Variants in UBR1 observed in about 807,000 individuals in gnomAD.
The protein encoded by UBR1 is ubiquitin protein ligase E3 component n-recognin 1.
A neutral mutation model predicts 242.1 loss-of-function variants in UBR1; 102 were observed. That is an observed-to-expected ratio of 0.42 (90% CI 0.36 to 0.50). UBR1 has a LOEUF of 0.50. Among genes scored for constraint, UBR1 ranks in the 20% least tolerant of loss-of-function variants. The pLI is 0.01. For synonymous variants in UBR1, 675 were observed against 684.8 expected, an observed-to-expected ratio of 0.99 and a Z score of 0.22; for missense variants, 1,772 against 2,101.8, an observed-to-expected ratio of 0.84 and a Z score of 3.07.
chr15:42,965,811 C>T (rs1346578907), intron 41 of UBR1, among the ~76,000 whole-genome samples: 1 of 152,150 alleles, frequency 6.6e-6, no homozygotes, highest in Non-Finnish European at 1.5e-5. Context: ...TAAAGTCTTC[C>T]TCCTATCTAG....
chr15:43,038,313 G>C, intron 15 of UBR1, 81 bp from the exon 16 acceptor site: 2 of 1,442,088 alleles, frequency 1.4e-6, no homozygotes, highest in Admixed American at 1.7e-5. Flanking sequence ...TTAGAAACTT[G>C]TGCGATTTGA....
chr15:43,006,053 C>T (rs1457964658), intron 30 of UBR1, among the ~76,000 whole-genome samples: 1 of 147,140 alleles, frequency 6.8e-6, no homozygotes, highest in Non-Finnish European at 1.5e-5. Flanking sequence ...TGCCAAATCC[C>T]CCTCTCGGAG....
At chr15:42,997,953 T>C (rs1180984948) in intron 33 of UBR1, among the ~76,000 whole-genome samples, 1 of 152,200 alleles carries the variant, frequency 6.6e-6, no homozygotes, top group Non-Finnish European at 1.5e-5. Context: ...ATGGACTTGA[T>C]AGTATAATCA....
chr15:43,037,999 G>T, intron 16 of UBR1, 116 bp from the exon 17 acceptor site: 1 of 1,211,262 alleles, frequency 8.3e-7, no homozygotes, highest in Non-Finnish European at 1.2e-6. Flanking sequence ...GCTTGAACTA[G>T]ATGACGTCTA....
intron 40 of UBR1, among the ~76,000 whole-genome samples, chr15:42,969,991 T>C (rs7171534): frequency 6.6e-5 from 10 of 152,166 alleles, no homozygotes; most frequent in African/African-American, 2.4e-4. Context: ...TAGAAAAAAC[T>C]ACTTTAAATT....
chr15:42,995,009 G>GTT (rs1286955449), intron 33 of UBR1, among the ~76,000 whole-genome samples: 1 of 152,028 alleles, frequency 6.6e-6, no homozygotes, highest in Non-Finnish European at 1.5e-5. Flanking sequence ...CTTATGTTCA[G>GTT]TATTTTCTTC....
rs138211619 is a variant in UBR1, at chr15:42,985,644, C to T, written c.3998-702G>A. Among the ~76,000 whole-genome samples the T allele has an allele frequency of 3.5e-3, 526 of 152,186 alleles. 1 individual carries two copies. Among genetic ancestry groups the T allele is most frequent in the African/African-American group, 0.012 (499 of 41,540 alleles). ...CTGGGATTACAGGCGTGAGCCACTG[C>T]GCCCGACCTCGGGTACAATTTTAAA... is the stretch of plus-strand genomic sequence containing the variant. On this transcript the variant is annotated intron_variant, in intron 35 of 46. Coordinates refer to ENST00000290650, the MANE Select transcript of UBR1 (RefSeq NM_174916.3).
rs187348093 is a variant in UBR1, at chr15:43,104,826, C to G, written c.81+1116G>C. On this transcript the variant is annotated intron_variant, in intron 1 of 46. Coordinates refer to ENST00000290650, the MANE Select transcript of UBR1 (RefSeq NM_174916.3). ...ATCAGCCTGGCCAACATGGTGAAAC[C>G]CCGTCTCTAATAAAAATAAAAATAA... 2.4e-3 allele frequency among the ~76,000 whole-genome samples: 360 copies of G among 151,822 alleles called. 1 individual carries two copies. The highest frequency in any genetic ancestry group is 3.6e-3 in the Non-Finnish European group (248 of 67,980).
intron 20 of UBR1, among the ~76,000 whole-genome samples, chr15:43,030,498 T>C (rs140106525): frequency 1.5e-3 from 234 of 152,326 alleles, no homozygotes; most frequent in African/African-American, 5.4e-3. Flanking sequence ...TTGTCTCTAC[T>C]TGTTATTTAA....
Position 42,958,039 on chromosome 15 carries a change from G to A in UBR1, c.4809C>T (p.Cys1603=). 6.2e-7 allele frequency: 1 copy of A among 1,613,574 alleles called. No homozygotes were observed. The highest frequency in any genetic ancestry group is 8.5e-7 in the Non-Finnish European group (1 of 1,179,820). ...SLIELPDDYS[C]LLNQASHFRC... Reference sequence around the variant, plus strand: ...TGAAATGAGAAGCTTGATTCAGGAGGCAGCTATAGTCATCAGGAAGCTCTA... The same window carrying A: ...TGAAATGAGAAGCTTGATTCAGGAGACAGCTATAGTCATCAGGAAGCTCTA... The change falls in exon 44 of 47, where the codon TGC becomes TGT. Residue 1603 remains cysteine, a synonymous_variant. Transcript: ENST00000290650.
At position 43,007,073 on chromosome 15, in the gene UBR1, A is replaced by T; in HGVS notation, c.3415+6T>A. ...CACAAAAGGATATTTATTAAATAAT[A>T]CATACCTCCTGAGAGTTCTATGGGT... On this transcript the variant is annotated splice_donor_region_variant and intron_variant, in intron 30 of 46. Coordinates refer to ENST00000290650, the MANE Select transcript of UBR1 (RefSeq NM_174916.3). 6.2e-7 allele frequency: 1 copy of T among 1,613,776 alleles called. No individual in the cohort carries two copies. The highest frequency in any genetic ancestry group is 2.2e-5 in the East Asian group (1 of 44,870).
chr15:43,060,687 T>C (rs2033673082), intron 6 of UBR1, among the ~76,000 whole-genome samples: 1 of 152,040 alleles, frequency 6.6e-6, no homozygotes, highest in Non-Finnish European at 1.5e-5. Flanking sequence ...CATTTAACCT[T>C]TACAATGACC....
At chr15:42,977,536 A>G (rs1268363932) in intron 38 of UBR1, among the ~76,000 whole-genome samples, 1 of 152,146 alleles carries the variant, frequency 6.6e-6, no homozygotes, top group Non-Finnish European at 1.5e-5. Context: ...ATTTTAAGAG[A>G]GCTCACACAG....
At chr15:43,007,779 A>G (rs1400502470) in intron 29 of UBR1, among the ~76,000 whole-genome samples, 3 of 152,218 alleles carry the variant, frequency 2.0e-5, no homozygotes, top group African/African-American at 7.2e-5. Context: ...ATTCACTTAT[A>G]GTATCTTACA....
intron 3 of UBR1, among the ~76,000 whole-genome samples, chr15:43,077,929 T>C (rs1218915873): frequency 1.3e-5 from 2 of 152,108 alleles, no homozygotes; most frequent in African/African-American, 2.4e-5. Flanking sequence ...ACTAAAACCA[T>C]ACATTATCCA....
At position 43,097,683 on chromosome 15, in the gene UBR1, G is replaced by A. The variant is rs117908307; in HGVS notation, c.81+8259C>T. On this transcript the variant is annotated intron_variant, in intron 1 of 46. Transcript: ENST00000290650. ...GATGGTTTCTTTTCTTAAACATCAC[G>A]AACCAACCTCTGCCAGCTTCCAACT... Among the ~76,000 whole-genome samples, 507 of 152,286 alleles carry A rather than the reference G, an allele frequency of 3.3e-3. 3 individuals carry two copies. Among genetic ancestry groups the A allele is most frequent in the Non-Finnish European group, 5.9e-3 (399 of 68,022 alleles).
At chr15:42,961,791 G>A (rs2032024704) in intron 42 of UBR1, among the ~76,000 whole-genome samples, 1 of 151,308 alleles carries the variant, frequency 6.6e-6, no homozygotes, top group Non-Finnish European at 1.5e-5. Context: ...GTCTACCTCT[G>A]TTGCCCAGAG....
At chr15:42,955,663 G>A (rs1170432140) in intron 44 of UBR1, among the ~76,000 whole-genome samples, 1 of 152,148 alleles carries the variant, frequency 6.6e-6, no homozygotes, top group Non-Finnish European at 1.5e-5. Context: ...AAGACATAAT[G>A]CATTATGATT....
At chr15:43,002,749 A>ATCTC in intron 31 of UBR1, 45 bp from the exon 32 acceptor site, 1 of 1,613,378 alleles carries the variant, frequency 6.2e-7, no homozygotes, top group Non-Finnish European at 8.5e-7. Flanking sequence ...CTACACATGC[A>ATCTC]TCTCTACATG....
Sources: allele counts gnomAD v4.1 joint callset (sites outside exome capture counted in the v4.1 genomes callset), GRCh38; gene constraint gnomAD v4.1.1; transcripts MANE v1.5; gene names NCBI Gene and HGNC (gene_info 2026-07-23, HGNC 2026-07-21).